The following EYS variants were observed in gnomAD, a reference collection of about 807,000 sequenced individuals.
EYS encodes EGF-like photoreceptor maintenance factor.
In EYS, 250 loss-of-function variants were observed where a neutral mutation model predicts 282.1. That is an observed-to-expected ratio of 0.89 (90% confidence interval 0.80 to 0.98). The LOEUF (loss-of-function observed/expected upper bound fraction) is 0.98, where lower values mean the gene tolerates loss of function less well. Ranked by LOEUF, EYS falls within the 50% of genes least tolerant of loss-of-function variation. The pLI, the probability that EYS is intolerant of heterozygous loss-of-function variation, is 0.00. For missense variants in EYS, 4,016 were observed against 3,709.0 expected, an observed-to-expected ratio of 1.08 and a Z score of -2.15; for synonymous variants, 1,355 against 1,282.9, an observed-to-expected ratio of 1.06 and a Z score of -1.20.
At chr6:65,189,367 C>T (rs1178079697) in intron 12 of EYS, among the ~76,000 whole-genome samples, 1 of 151,564 alleles carries the variant, frequency 6.6e-6, no homozygotes, top group Non-Finnish European at 1.5e-5. Flanking sequence ...TTCATGCTTA[C>T]GTGTCATATC....
intron 29 of EYS, among the ~76,000 whole-genome samples, chr6:64,382,402 A>G (rs1396675521): frequency 2.0e-5 from 3 of 152,166 alleles, no homozygotes; most frequent in Non-Finnish European, 4.4e-5. Flanking sequence ...CAAACTAATT[A>G]TCTTGTTATT....
At chr6:64,397,864 A>T (rs1773427404) in intron 28 of EYS, among the ~76,000 whole-genome samples, 2 of 151,734 alleles carry the variant, frequency 1.3e-5, no homozygotes, top group South Asian at 2.1e-4. Context: ...AGGATAGAAA[A>T]TTTTTTCTAA....
At chr6:63,978,432 C>A (rs1766943284) in intron 35 of EYS, among the ~76,000 whole-genome samples, 1 of 151,912 alleles carries the variant, frequency 6.6e-6, no homozygotes, top group Non-Finnish European at 1.5e-5. Flanking sequence ...AGGATGTAGA[C>A]TACAGACAGA....
intron 18 of EYS, among the ~76,000 whole-genome samples, chr6:64,894,223 A>G (rs748931041): frequency 3.9e-5 from 6 of 152,088 alleles, no homozygotes; most frequent in Non-Finnish European, 8.8e-5. Flanking sequence ...GAAAGGCATC[A>G]CCTTGTTCAT....
rs148044118 is a variant in EYS, at chr6:64,803,471, C to T, written c.3443+9907G>A. Among the ~76,000 whole-genome samples the T allele has an allele frequency of 1.1e-4, 16 of 152,224 alleles. No individual in the cohort carries two copies. In the East Asian group the frequency reaches 2.7e-3, roughly 26 times the overall value. ...GAAAAAGCACCATGAGTTCTAAATC[C>T]CAAAGTAGACTCCACCTGGAACTGA... On this transcript the variant is annotated intron_variant, in intron 22 of 42. Transcript: ENST00000503581.
At chr6:64,114,205 A>G (rs2150268582) in intron 31 of EYS, among the ~76,000 whole-genome samples, 1 of 152,324 alleles carries the variant, frequency 6.6e-6, no homozygotes, top group Non-Finnish European at 1.5e-5. Flanking sequence ...GGAATTTACT[A>G]AAGAAGTTAT....
intron 29 of EYS, among the ~76,000 whole-genome samples, chr6:64,333,461 T>C (rs898529228): frequency 3.2e-4 from 49 of 152,240 alleles, no homozygotes; most frequent in African/African-American, 1.2e-3. Flanking sequence ...GTGCCCTGAT[T>C]GTTAAAATCA....
At chr6:65,323,636 A>G (rs1404245582) in intron 11 of EYS, among the ~76,000 whole-genome samples, 12 of 117,912 alleles carry the variant, frequency 1.0e-4, no homozygotes, top group African/African-American at 4.1e-4. Context: ...GAGGCAAAAT[A>G]TCTCAGTCAA....
At chr6:64,187,648 T>C (rs1019667945) in intron 31 of EYS, among the ~76,000 whole-genome samples, 6 of 152,094 alleles carry the variant, frequency 3.9e-5, no homozygotes, top group African/African-American at 2.4e-5. Flanking sequence ...TAATCACACA[T>C]TGCATGTAAT....
At chr6:64,530,879 T>A (rs538778914) in intron 26 of EYS, among the ~76,000 whole-genome samples, 163 of 152,216 alleles carry the variant, frequency 1.1e-3, no homozygotes, top group Middle Eastern at 3.4e-3. Flanking sequence ...CCTTTCCAGA[T>A]CTAATTAATC....
At chr6:64,752,049 A>G (rs1772776575) in intron 22 of EYS, among the ~76,000 whole-genome samples, 1 of 152,172 alleles carries the variant, frequency 6.6e-6, no homozygotes, top group Admixed American at 6.6e-5. Context: ...CAGATAAACA[A>G]TTCTGGAACT....
At chr6:64,123,379 C>A (rs1773655660) in intron 31 of EYS, among the ~76,000 whole-genome samples, 1 of 152,098 alleles carries the variant, frequency 6.6e-6, no homozygotes, top group Non-Finnish European at 1.5e-5. Context: ...GAGCAAATTT[C>A]TTAAATTGAT....
intron 12 of EYS, among the ~76,000 whole-genome samples, chr6:65,241,949 T>C (rs1419547592): frequency 1.3e-5 from 2 of 152,076 alleles, no homozygotes; most frequent in African/African-American, 4.8e-5. Flanking sequence ...CAATTTATAT[T>C]TGTCAATTAA....
At chr6:64,187,507 AAG>A (rs1258508402) in intron 31 of EYS, among the ~76,000 whole-genome samples, 1 of 152,122 alleles carries the variant, frequency 6.6e-6, no homozygotes, top group Non-Finnish European at 1.5e-5. Context: ...ACAAGGAAAA[AAG>A]AAAATAGCAA....
intron 11 of EYS, chr6:65,330,979 G>T (rs1209286573): frequency 1.0e-6 from 1 of 984,148 alleles, no homozygotes; most frequent in African/African-American, 1.7e-5. Context: ...TTGAGTTCCC[G>T]TATATACTCG....
At chr6:65,608,526 T>C (rs1179424089) in intron 2 of EYS, among the ~76,000 whole-genome samples, 2 of 152,018 alleles carry the variant, frequency 1.3e-5, no homozygotes, top group East Asian at 3.9e-4. Flanking sequence ...TAGGCTACAC[T>C]ACATTTACTA....
chr6:65,324,384 G>C (rs1769561141), intron 11 of EYS, among the ~76,000 whole-genome samples: 1 of 152,184 alleles, frequency 6.6e-6, no homozygotes, highest in Admixed American at 6.5e-5. Context: ...GAAGGAGCCA[G>C]ATTTCCAGTT....
chr6:64,971,024 C>A (rs76585860), intron 14 of EYS, among the ~76,000 whole-genome samples: 1,858 of 152,204 alleles, frequency 0.012, 25 homozygotes, highest in Non-Finnish European at 0.016. Flanking sequence ...GAAGGCATAA[C>A]TATAGACTCT....
intron 11 of EYS, among the ~76,000 whole-genome samples, chr6:65,297,291 G>C (rs1193677008): frequency 6.6e-6 from 1 of 151,688 alleles, no homozygotes; most frequent in Non-Finnish European, 1.5e-5. Context: ...TATGTCAATG[G>C]GCTGAGAAAA....
Sources: gnomAD v4.1 joint callset for allele counts (sites outside exome capture counted in the v4.1 genomes callset) on GRCh38, gnomAD v4.1.1 for gene constraint, MANE v1.5 for transcripts, NCBI Gene and HGNC (gene_info 2026-07-23, HGNC 2026-07-21) for gene names.